RPL5: variants seen among roughly 807,000 people sequenced by gnomAD.
RPL5 encodes large ribosomal subunit protein uL18.
RPL5 carries 1 observed loss-of-function variant against 38.4 expected under a neutral mutation model. The observed-to-expected ratio is 0.03, with a 90% CI of 0.01 to 0.12. RPL5 has a LOEUF of 0.12. Ranked by LOEUF, RPL5 falls within the 10% of genes least tolerant of loss-of-function variation. RPL5 has a pLI of 1.00. For missense variants in RPL5, 243 were observed against 374.1 expected (o/e 0.65, Z 2.89); for synonymous variants, 109 against 121.2 (o/e 0.90, Z 0.66).
At chr1:92,837,868 T>C in intron 6 of RPL5, 1 of 529,838 alleles carries the variant, frequency 1.9e-6, no homozygotes, top group Non-Finnish European at 3.4e-6. Flanking sequence ...GTCATTTCTG[T>C]AATCATAGTT....
At chr1:92,841,705 A>C in intron 7 of RPL5, 61 bp from the exon 8 acceptor site, 2 of 1,037,380 alleles carry the variant, frequency 1.9e-6, no homozygotes, top group South Asian at 4.0e-5. Flanking sequence ...TAAAATTTTA[A>C]ATTAAATATT....
chr1:92,833,486 A>G (rs777880100), intron 2 of RPL5, 28 bp downstream of exon 2: 15 of 1,612,350 alleles, frequency 9.3e-6, no homozygotes, highest in Non-Finnish European at 1.3e-5. Context: ...TGTTTACAAT[A>G]TTAATCTGCT....
At chr1:92,832,305 G>A in intron 1 of RPL5, 188 bp downstream of exon 1, 8 of 873,530 alleles carry the variant, frequency 9.2e-6, no homozygotes, top group African/African-American at 6.6e-5. Flanking sequence ...CGAACTTGGG[G>A]GGAGGGGTTG....
intron 6 of RPL5, chr1:92,837,890 TGTTG>T (rs1687189615): frequency 1.6e-5 from 8 of 508,112 alleles, no homozygotes; most frequent in East Asian, 7.3e-5. Flanking sequence ...TAATCTGCTT[TGTTG>T]GATAAGAGGT....
At chr1:92,833,099 T>C (rs914510645) in intron 1 of RPL5, 5 of 701,614 alleles carry the variant, frequency 7.1e-6, no homozygotes, top group African/African-American at 7.0e-5. Flanking sequence ...TAACAATAAT[T>C]TTATACCTGT....
At chr1:92,832,378 C>T (rs1686944064) in intron 1 of RPL5, 2 of 613,788 alleles carry the variant, frequency 3.3e-6, no homozygotes, top group Non-Finnish European at 5.9e-6. Flanking sequence ...TAGTAGACAG[C>T]CTGAGTGCGG....
intron 7 of RPL5, 152 bp downstream of exon 7, chr1:92,840,791 G>C (rs772581308): frequency 1.3e-6 from 1 of 744,280 alleles, no homozygotes; most frequent in African/African-American, 1.7e-5. Flanking sequence ...AGTAACTGTG[G>C]TGATGGAAAT....
intron 6 of RPL5, chr1:92,840,183 T>C (rs1687295072): frequency 3.9e-6 from 1 of 255,042 alleles, no homozygotes. Flanking sequence ...CCTGGCTAAT[T>C]AGTTTTTTTA....
chr1:92,841,493 T>C (rs2100699367), intron 7 of RPL5, among the ~76,000 whole-genome samples: 1 of 152,258 alleles, frequency 6.6e-6, no homozygotes, highest in East Asian at 1.9e-4. Context: ...TTCAAAACAT[T>C]TGGGCAAATA....
At chr1:92,834,757 C>T (rs769368368) in intron 3 of RPL5, 22 bp from the exon 4 acceptor site, 1 of 1,612,104 alleles carries the variant, frequency 6.2e-7, no homozygotes, top group Non-Finnish European at 8.5e-7. Flanking sequence ...AGATTACTAA[C>T]CTAGTTTCTC....
At chr1:92,832,019 C>T (rs1571020661), upstream of RPL5, 11 of 1,577,276 alleles carry the variant, frequency 7.0e-6, no homozygotes, top group East Asian at 6.9e-5. Flanking sequence ...CTACATACTG[C>T]GCCTGCGCAA....
chr1:92,836,513 G>A (rs993733411), intron 5 of RPL5, 121 bp downstream of exon 5: 3 of 887,560 alleles, frequency 3.4e-6, no homozygotes, highest in East Asian at 2.6e-5. Context: ...TGTATGCCTA[G>A]GTACCATGCA....
Position 92,840,562 on chromosome 1 carries a change from G to C in RPL5, c.717G>C (p.Met239Ile). 2 of 1,612,732 alleles carry C rather than the reference G, an allele frequency of 1.2e-6. No homozygotes were observed. Among genetic ancestry groups the C allele is most frequent in the South Asian group, 1.1e-5 (1 of 91,048 alleles). Residue 239 changes from methionine to isoleucine, a missense_variant, in exon 7 of 8, where the codon ATG (methionine) becomes ATC (isoleucine). Met to Ile is a conservative substitution (Grantham distance 10). Coordinates refer to ENST00000370321, the MANE Select transcript of RPL5 (RefSeq NM_000969.5). The stretch of plus-strand genomic sequence containing the variant: ...TTCCTTTGTTTCAGATGGAGGAGAT[G>C]TATAAGAAAGCTCATGCTGCTATAC... ...NSVTPDMMEEMYKKAHAAIRE... is the reference protein window; with the variant it reads ...NSVTPDMMEEIYKKAHAAIRE...
intron 1 of RPL5, chr1:92,833,149 TTTA>T: frequency 1.5e-6 from 1 of 666,136 alleles, no homozygotes; most frequent in South Asian, 1.7e-5. Flanking sequence ...GTATGTTTCT[TTTA>T]TTCCATATTT....
Position 92,836,366 on chromosome 1 carries a change from G to A in RPL5, c.501G>A (p.Val167=). ...TTTTTGGTGCCCTGAAGGGAGCTGT[G>A]GATGGAGGCTTGTCTATCCCTCACA... ...NKVFGALKGA[V]DGGLSIPHST... Residue 167 remains valine (V), a synonymous_variant, in exon 5 of 8, where the codon GTG becomes GTA. Coordinates refer to ENST00000370321, the MANE Select transcript of RPL5 (RefSeq NM_000969.5). The A allele has an allele frequency of 6.2e-7, 1 of 1,614,150 alleles. No homozygotes were observed. The highest frequency in any genetic ancestry group is 8.5e-7 in the Non-Finnish European group (1 of 1,180,024).
At chr1:92,840,109 T>A (rs1687292364) in intron 6 of RPL5, among the ~76,000 whole-genome samples, 1 of 151,770 alleles carries the variant, frequency 6.6e-6, no homozygotes, top group African/African-American at 2.4e-5. Flanking sequence ...AGCCTTGACC[T>A]CCTGGACTCA....
rs533555644 is a variant in RPL5, at chr1:92,840,977, G to A, written c.794+338G>A. ...ACATGTAAGCATAAAGTGATGTGAT[G>A]GCCCACAAATACAATGTATAGTAAT... On this transcript the variant is annotated intron_variant, in intron 7 of 7. Coordinates refer to ENST00000370321, the MANE Select transcript of RPL5 (RefSeq NM_000969.5). 1.0e-4 allele frequency: 43 copies of A among 418,648 alleles called. 1 individual carries two copies. Among genetic ancestry groups the A allele is most frequent in the South Asian group, 4.2e-4 (22 of 52,838 alleles). The allele number at this position is 418,648 out of a possible 1,614,324, so 25.9% of individuals were successfully genotyped here.
At chr1:92,834,677 A>G (rs1434557924) in intron 3 of RPL5, 102 bp from the exon 4 acceptor site, 60 of 1,481,066 alleles carry the variant, frequency 4.1e-5, no homozygotes, top group Non-Finnish European at 5.5e-5. Context: ...AGTGATGTTC[A>G]TCTGTGTCCA....
At chr1:92,833,244 T>C (rs1462846612) in intron 1 of RPL5, 145 bp from the exon 2 acceptor site, 2 of 701,342 alleles carry the variant, frequency 2.9e-6, no homozygotes, top group Non-Finnish European at 5.1e-6. Context: ...TTGACCCTAG[T>C]TGCTTGTGAA....
Sources: gnomAD v4.1 joint callset for allele counts (sites outside exome capture counted in the v4.1 genomes callset) on GRCh38, gnomAD v4.1.1 for gene constraint, MANE v1.5 for transcripts, NCBI Gene and HGNC (gene_info 2026-07-23, HGNC 2026-07-21) for gene names.